The following NBAS variants were observed in gnomAD, a reference collection of about 807,000 sequenced individuals.
The protein encoded by NBAS is NBAS subunit of NRZ tethering complex.
In NBAS, 219 loss-of-function variants were observed where a neutral mutation model predicts 302.5. That is an observed-to-expected ratio of 0.72 (90% CI 0.65 to 0.81). The LOEUF (loss-of-function observed/expected upper bound fraction) is 0.81. Ranked by LOEUF, NBAS falls within the 30% of genes least tolerant of loss-of-function variation. The probability of loss-of-function intolerance (pLI) is 0.00; values close to 1 mark genes in which losing one functional copy is unlikely to be tolerated. For synonymous variants in NBAS, 1,118 were observed against 1,021.6 expected (o/e 1.09, Z -1.80); for missense variants, 2,932 against 2,841.6 (o/e 1.03, Z -0.72).
intron 32 of NBAS, among the ~76,000 whole-genome samples, chr2:15,362,398 G>C (rs113278366): frequency 3.3e-5 from 5 of 151,526 alleles, no homozygotes; most frequent in African/African-American, 1.2e-4. Context: ...GTCCCAGCTA[G>C]TCAGGAGGCT....
At chr2:15,297,023 C>A (rs1011865997) in intron 40 of NBAS, among the ~76,000 whole-genome samples, 3 of 152,082 alleles carry the variant, frequency 2.0e-5, no homozygotes, top group South Asian at 2.1e-4. Flanking sequence ...TCACTTTTCC[C>A]AACAGATATT....
At chr2:15,551,422 A>G in intron 6 of NBAS, 71 bp downstream of exon 6, 2 of 1,035,182 alleles carry the variant, frequency 1.9e-6, no homozygotes, top group Non-Finnish European at 2.9e-6. Context: ...ATCTATTCTA[A>G]CTTTTAAGAA....
At chr2:14,907,405 C>G in the NBAS span, among the ~76,000 whole-genome samples, 1 of 152,258 alleles carries the variant, frequency 6.6e-6, no homozygotes, top group African/African-American at 2.4e-5. Flanking sequence ...CTTCTTTCTA[C>G]ACACATTGTG....
the NBAS span, among the ~76,000 whole-genome samples, chr2:15,109,362 C>T: frequency 6.6e-6 from 1 of 152,174 alleles, no homozygotes; most frequent in African/African-American, 2.4e-5. Flanking sequence ...TCTCATGCAA[C>T]TACTCCCAGT....
At chr2:15,108,063 C>A in the NBAS span, among the ~76,000 whole-genome samples, 3 of 150,478 alleles carry the variant, frequency 2.0e-5, no homozygotes, top group Non-Finnish European at 2.9e-5. Flanking sequence ...ATTAACATAC[C>A]AAATCTGTGT....
At chr2:15,164,187 TTTCATGATCTCCCTCGGCC>T (rs1260040529), downstream of NBAS, among the ~76,000 whole-genome samples, 36 of 152,212 alleles carry the variant, frequency 2.4e-4, 1 homozygote, top group Admixed American at 2.4e-3. Context: ...GTCACAGACA[TTTCATGATCTCCCTCGGCC>T]ATGATATTAT....
Position 15,308,306 on chromosome 2 carries a change from T to G in NBAS, c.4707A>C (p.Leu1569Phe), listed in dbSNP as rs771903863. Reference protein sequence around the residue: ...RCFEKQSPSALSLQLAAYYYS... With the variant: ...RCFEKQSPSAFSLQLAAYYYS... ...AGTAATACGCTGCCAGCTGGAGAGA[T>G]AATGCAGAGGGGGACTGCTTTTCAA... The change falls in exon 40 of 52, where the codon TTA (leucine) becomes TTC (phenylalanine). Residue 1569 changes from leucine to phenylalanine, a missense_variant. Transcript: ENST00000281513. 1.1e-5 allele frequency: 18 copies of G among 1,614,176 alleles called. No individual in the cohort carries two copies. Among genetic ancestry groups the G allele is most frequent in the Admixed American group, 1.7e-5 (1 of 60,016 alleles).
chr2:14,895,619 G>A, the NBAS span, among the ~76,000 whole-genome samples: 4 of 152,136 alleles, frequency 2.6e-5, no homozygotes, highest in East Asian at 5.8e-4. Flanking sequence ...GGCGCCTGTA[G>A]TCCCAGCTAC....
chr2:15,359,345 C>T (rs902029757), intron 32 of NBAS, among the ~76,000 whole-genome samples: 1 of 152,168 alleles, frequency 6.6e-6, no homozygotes, highest in African/African-American at 2.4e-5. Flanking sequence ...GGACTTTAAA[C>T]ATTTTTGCCA....
rs188623755 is a variant in NBAS, at chr2:15,459,605, A to G, written c.2339+1596T>C. Among the ~76,000 whole-genome samples the G allele has an allele frequency of 6.2e-3, 933 of 149,490 alleles. 11 individuals are homozygous for G. The highest frequency in any genetic ancestry group is 0.02 in the African/African-American group (811 of 40,580). ...CGCCATTCTCCTGCCTCAGCCTCCC[A>G]AGTAGCTGGGACTACAGGCCCCTGC... is the stretch of plus-strand genomic sequence containing the variant. On this transcript the variant is annotated intron_variant, in intron 21 of 51. Coordinates refer to ENST00000281513, the MANE Select transcript of NBAS (RefSeq NM_015909.4).
At chr2:15,177,146 G>A (rs1480614595) in intron 51 of NBAS, among the ~76,000 whole-genome samples, 3 of 152,272 alleles carry the variant, frequency 2.0e-5, no homozygotes, top group African/African-American at 7.2e-5. Flanking sequence ...TGGATCTGAA[G>A]GGCACAGACG....
intron 38 of NBAS, among the ~76,000 whole-genome samples, chr2:15,316,981 C>G (rs541581353): frequency 1.3e-5 from 2 of 152,328 alleles, no homozygotes; most frequent in South Asian, 2.1e-4. Context: ...TAGGGGCCAA[C>G]AGACACTTCA....
At chr2:15,069,818 T>C in the NBAS span, among the ~76,000 whole-genome samples, 2 of 152,236 alleles carry the variant, frequency 1.3e-5, no homozygotes, top group African/African-American at 4.8e-5. Flanking sequence ...TTTGGCTTTG[T>C]CTGTGAACAT....
chr2:15,284,151 C>T (rs1170411563), intron 42 of NBAS, among the ~76,000 whole-genome samples: 1 of 139,662 alleles, frequency 7.2e-6, no homozygotes. Flanking sequence ...CAAGAAAAAG[C>T]GGGAAATGGA....
Position 15,554,112 on chromosome 2 carries a change from C to G in NBAS, c.236G>C (p.Gly79Ala). The G allele has an allele frequency of 6.2e-7, 1 of 1,613,842 alleles. No homozygotes were observed. Among genetic ancestry groups the G allele is most frequent in the Non-Finnish European group, 8.5e-7 (1 of 1,179,852 alleles). The change falls in exon 4 of 52, where the codon GGA becomes GCA. Residue 79 changes from glycine to alanine, a missense_variant. By Grantham distance (60) the Gly-to-Ala change is moderately conservative. Coordinates refer to ENST00000281513, the MANE Select transcript of NBAS (RefSeq NM_015909.4). ...CTGTTTATTAACCAAGCGAACCAGT[C>G]CATCAGGGAGCAAAAAAGGTGCCGG... ...YSPAPFLLPDGLVRLVNKQIN... is the reference protein window; with the variant it reads ...YSPAPFLLPDALVRLVNKQIN...
the NBAS span, among the ~76,000 whole-genome samples, chr2:14,816,611 A>G: frequency 6.6e-6 from 1 of 152,168 alleles, no homozygotes. Context: ...GTTTTAATTC[A>G]TCTACAGGGA....
chr2:15,275,981 C>T (rs2148056399), intron 43 of NBAS, among the ~76,000 whole-genome samples, 163 bp from the exon 44 acceptor site: 1 of 152,224 alleles, frequency 6.6e-6, no homozygotes, highest in Non-Finnish European at 1.5e-5. Flanking sequence ...ATCAGGAGAT[C>T]TGAGTTCCAG....
the NBAS span, among the ~76,000 whole-genome samples, chr2:15,042,203 G>A: frequency 7.1e-4 from 108 of 152,274 alleles, no homozygotes; most frequent in Middle Eastern, 6.8e-3. Context: ...TTTCCCCTCC[G>A]TTCTTCTCTG....
chr2:15,454,239 A>G (rs1679148301), intron 21 of NBAS, among the ~76,000 whole-genome samples: 1 of 152,240 alleles, frequency 6.6e-6, no homozygotes, highest in South Asian at 2.1e-4. Flanking sequence ...AGGAATATAA[A>G]TGAGTATCAA....
Sources: gnomAD v4.1 joint callset for allele counts (sites outside exome capture counted in the v4.1 genomes callset) on GRCh38, gnomAD v4.1.1 for gene constraint, MANE v1.5 for transcripts, NCBI Gene and HGNC (gene_info 2026-07-23, HGNC 2026-07-21) for gene names.